Variants in PLAC1 observed in about 807,000 individuals in gnomAD.
PLAC1 encodes the protein placenta associated 1, also known as placenta-specific protein 1.
For synonymous variants in PLAC1, 68 were observed against 62.1 expected, an observed-to-expected ratio of 1.09 and a Z score of -0.44; for missense variants, 136 against 163.2, an observed-to-expected ratio of 0.83 and a Z score of 0.91.
At chrX:134,644,134 C>T (rs1403794106) in intron 1 of PLAC1, among the ~76,000 whole-genome samples, 1 of 110,842 alleles carries the variant, frequency 9.0e-6, no homozygotes, top group Non-Finnish European at 1.9e-5. Flanking sequence ...TACTGCTACT[C>T]TGCTATTCAA....
intron 1 of PLAC1, among the ~76,000 whole-genome samples, chrX:134,761,871 C>T (rs569491996): frequency 8.9e-6 from 1 of 111,974 alleles, no homozygotes; most frequent in Non-Finnish European, 1.9e-5. Flanking sequence ...TTATAAAGAA[C>T]CTCAATGATC....
At chrX:134,761,061 C>T (rs761122929) in intron 1 of PLAC1, among the ~76,000 whole-genome samples, 4 of 111,445 alleles carry the variant, frequency 3.6e-5, no homozygotes, top group Non-Finnish European at 7.5e-5. Context: ...CCCAGCTTAC[C>T]CATAGGCTCA....
upstream of PLAC1, among the ~76,000 whole-genome samples, chrX:134,661,373 T>C (rs1416909260): frequency 2.7e-5 from 3 of 111,932 alleles, no homozygotes; most frequent in Non-Finnish European, 3.8e-5. Flanking sequence ...TGGTAGATGC[T>C]CAAATAGCTG....
At chrX:134,567,267 C>T (rs1163961929) in intron 2 of PLAC1, among the ~76,000 whole-genome samples, 2 of 111,786 alleles carry the variant, frequency 1.8e-5, no homozygotes, top group African/African-American at 6.5e-5. Context: ...GAAATTTTGC[C>T]GAGTGGCTTA....
intron 2 of PLAC1, among the ~76,000 whole-genome samples, chrX:134,718,768 C>T (rs1213553296): frequency 8.9e-6 from 1 of 111,835 alleles, no homozygotes; most frequent in Non-Finnish European, 1.9e-5. Context: ...TATATTTTGC[C>T]TGGAGCCATC....
intron 2 of PLAC1, among the ~76,000 whole-genome samples, chrX:134,716,400 T>C (rs1194291380): frequency 8.9e-6 from 1 of 112,600 alleles, no homozygotes; most frequent in Non-Finnish European, 1.9e-5. Flanking sequence ...GTTACAGAGA[T>C]CAGTAGGGCA....
At chrX:134,700,894 T>C (rs2078580708) in intron 2 of PLAC1, among the ~76,000 whole-genome samples, 1 of 112,040 alleles carries the variant, frequency 8.9e-6, no homozygotes, top group Non-Finnish European at 1.9e-5. Context: ...GCACTATTCC[T>C]GTGAAATTAA....
intron 1 of PLAC1, among the ~76,000 whole-genome samples, chrX:134,656,135 C>T (rs1481692169): frequency 8.9e-6 from 1 of 112,047 alleles, no homozygotes; most frequent in Non-Finnish European, 1.9e-5. Context: ...AACACACTGC[C>T]TTTTCTACGT....
At chrX:134,596,358 T>G (rs1366613407) in intron 2 of PLAC1, among the ~76,000 whole-genome samples, 1 of 112,160 alleles carries the variant, frequency 8.9e-6, no homozygotes, top group African/African-American at 3.2e-5. Flanking sequence ...TTTAGATAAC[T>G]TCCTTTAGCT....
chrX:134,734,665 G>A (rs919169671), intron 1 of PLAC1, among the ~76,000 whole-genome samples: 2 of 111,810 alleles, frequency 1.8e-5, no homozygotes, highest in East Asian at 2.8e-4. Context: ...AAGGAATGGC[G>A]TTCCCTCCCC....
intron 2 of PLAC1, among the ~76,000 whole-genome samples, chrX:134,572,475 C>T (rs1285624908): frequency 8.9e-6 from 1 of 112,033 alleles, no homozygotes; most frequent in African/African-American, 3.2e-5. Context: ...CCTCATGAAG[C>T]ACAGTGTTAA....
chrX:134,602,099 C>G lies in PLAC1; in HGVS notation c.-107G>C, dbSNP rs2078091636. 1 of 112,660 alleles carries G rather than the reference C, an allele frequency of 8.9e-6. No individual in the cohort carries two copies. Among genetic ancestry groups the G allele is most frequent in the African/African-American group, 3.2e-5 (1 of 30,905 alleles). 9.3% of individuals were successfully genotyped at this position (112,660 alleles called of 1,213,427 possible). A position where few individuals can be genotyped will look rare whatever the true frequency, so the allele number is the denominator to read the frequency against. On this transcript the variant is annotated 5_prime_UTR_variant, in exon 2 of 3. Coordinates refer to ENST00000359237, the MANE Select transcript of PLAC1 (RefSeq NM_021796.4). ...TTTGTCAGTTTCCTTTGAAATGTGG[C>G]TTTGTGCTCACTGGTGAAGGCAGCT...
intron 1 of PLAC1, among the ~76,000 whole-genome samples, chrX:134,759,707 C>T (rs1004308390): frequency 6.3e-5 from 7 of 111,746 alleles, no homozygotes; most frequent in African/African-American, 2.3e-4. Flanking sequence ...AAATGTGGTA[C>T]ATATACACAA....
chrX:134,707,972 A>G (rs926661842), intron 2 of PLAC1, among the ~76,000 whole-genome samples: 7 of 112,233 alleles, frequency 6.2e-5, no homozygotes, highest in African/African-American at 2.3e-4. Context: ...AAGCTACACA[A>G]AGACATAACT....
intron 2 of PLAC1, among the ~76,000 whole-genome samples, chrX:134,664,889 A>C (rs765669183): frequency 8.9e-6 from 1 of 112,079 alleles, no homozygotes; most frequent in African/African-American, 3.2e-5. Context: ...AGATGGGGCC[A>C]TAGGAGATTT....
chrX:134,690,989 T>A (rs1308757260), intron 2 of PLAC1, among the ~76,000 whole-genome samples: 1 of 8,744 alleles, frequency 1.1e-4, no homozygotes, highest in East Asian at 2.5e-3. Flanking sequence ...TATATATATA[T>A]ATATATATAT....
At chrX:134,646,821 G>C (rs1569396579) in intron 1 of PLAC1, among the ~76,000 whole-genome samples, 1 of 112,362 alleles carries the variant, frequency 8.9e-6, no homozygotes, top group Non-Finnish European at 1.9e-5. Context: ...AGGAAAGAGT[G>C]CCGACTGTGC....
intron 2 of PLAC1, among the ~76,000 whole-genome samples, chrX:134,595,376 T>C (rs747166379): frequency 5.6e-4 from 62 of 110,335 alleles, no homozygotes; most frequent in African/African-American, 1.9e-3. Context: ...TTATTGTTGG[T>C]ATTGTTGAGT....
At chrX:134,645,338 T>C (rs748703786) in intron 1 of PLAC1, among the ~76,000 whole-genome samples, 136 of 112,308 alleles carry the variant, frequency 1.2e-3, no homozygotes, top group African/African-American at 4.4e-3. Flanking sequence ...AAAGTACTTA[T>C]TCATTTTCAC....
Sources: gnomAD v4.1 joint callset for allele counts (sites outside exome capture counted in the v4.1 genomes callset) on GRCh38, gnomAD v4.1.1 for gene constraint, MANE v1.5 for transcripts, NCBI Gene and HGNC (gene_info 2026-07-23, HGNC 2026-07-21) for gene names.